The following EHMT1 variants were observed in gnomAD, a reference collection of about 807,000 sequenced individuals.
The protein encoded by EHMT1 is histone-lysine N-methyltransferase EHMT1.
EHMT1 carries 15 observed loss-of-function variants against 147.2 expected under a neutral mutation model. The observed-to-expected ratio is 0.10, with a 90% CI of 0.07 to 0.16. The LOEUF is 0.16. EHMT1 is among the 10% of genes least tolerant of loss of function. The probability of loss-of-function intolerance (pLI) is 1.00; values close to 1 mark genes in which losing one functional copy is unlikely to be tolerated. For synonymous variants in EHMT1, 795 were observed against 709.6 expected, an observed-to-expected ratio of 1.12 and a Z score of -1.91; for missense variants, 1,587 against 1,772.4, an observed-to-expected ratio of 0.90 and a Z score of 1.88.
chr9:137,749,004 G>A (rs962108964), intron 6 of EHMT1, among the ~76,000 whole-genome samples: 1 of 152,156 alleles, frequency 6.6e-6, no homozygotes, highest in African/African-American at 2.4e-5. Flanking sequence ...GGGAGAGCTG[G>A]ACCCTCTCCC....
At chr9:137,677,139 G>GTT (rs879325275) in intron 1 of EHMT1, among the ~76,000 whole-genome samples, 1 of 146,128 alleles carries the variant, frequency 6.8e-6, no homozygotes, top group East Asian at 2.0e-4. Context: ...ACTGACTGGA[G>GTT]TTTTTTTTTT....
At chr9:137,639,360 C>T (rs937360720) in intron 1 of EHMT1, among the ~76,000 whole-genome samples, 12 of 152,114 alleles carry the variant, frequency 7.9e-5, no homozygotes, top group African/African-American at 2.4e-4. Flanking sequence ...AGTATTAAGT[C>T]TTCCTTATTC....
At chr9:137,723,066 G>C (rs1263392112) in intron 3 of EHMT1, among the ~76,000 whole-genome samples, 18 of 95,484 alleles carry the variant, frequency 1.9e-4, no homozygotes, top group African/African-American at 3.7e-4. Context: ...GGCCTGAGCC[G>C]GGGGTGTGTC....
chr9:137,641,709 C>T (rs376854702), intron 1 of EHMT1, among the ~76,000 whole-genome samples: 8 of 152,186 alleles, frequency 5.3e-5, no homozygotes, highest in Admixed American at 3.9e-4. Context: ...CAGGGGCTGG[C>T]GCCATGTCTT....
chr9:137,761,913 T>A (rs893909049), intron 9 of EHMT1, among the ~76,000 whole-genome samples: 2 of 152,232 alleles, frequency 1.3e-5, no homozygotes, highest in African/African-American at 4.8e-5. Context: ...TTGCCAAGCT[T>A]AAGGGTCTTC....
chr9:137,687,983 C>T (rs371966901), intron 1 of EHMT1, among the ~76,000 whole-genome samples: 2 of 152,174 alleles, frequency 1.3e-5, no homozygotes, highest in East Asian at 3.8e-4. Context: ...ATTGTACAAG[C>T]TTGAACTTGT....
At chr9:137,726,230 T>A (rs1011192430) in intron 3 of EHMT1, among the ~76,000 whole-genome samples, 74 of 152,336 alleles carry the variant, frequency 4.9e-4, no homozygotes, top group African/African-American at 1.7e-3. Context: ...TGGAACCTCT[T>A]CATCTTCCCA....
At position 137,639,956 on chromosome 9, in the gene EHMT1, C is replaced by T. The variant is rs139332556; in HGVS notation, c.21+20907C>T. On this transcript the variant is annotated intron_variant, in intron 1 of 26. Coordinates refer to ENST00000460843, the MANE Select transcript of EHMT1 (RefSeq NM_024757.5). Reference sequence around the variant, plus strand: ...TTCTGTAACCTTATTTATTTAGAGACGGAGTCTCGCTCTTGTTGCCCAGGC... The same window carrying T: ...TTCTGTAACCTTATTTATTTAGAGATGGAGTCTCGCTCTTGTTGCCCAGGC... Among the ~76,000 whole-genome samples, 36 of 152,276 alleles carry T rather than the reference C, an allele frequency of 2.4e-4. No individual in the cohort carries two copies. In the East Asian group the frequency reaches 5.4e-3, roughly 23 times the overall value.
At chr9:137,815,836 GT>G (rs1394294339) in intron 22 of EHMT1, 110 bp from the exon 23 acceptor site, 3 of 941,000 alleles carry the variant, frequency 3.2e-6, no homozygotes, top group East Asian at 2.6e-5. Context: ...AGAAACCATC[GT>G]TTTTATGTCC....
chr9:137,714,869 A>T (rs1945071005), intron 2 of EHMT1, among the ~76,000 whole-genome samples: 1 of 152,062 alleles, frequency 6.6e-6, no homozygotes, highest in African/African-American at 2.4e-5. Flanking sequence ...ATTTGAGGGG[A>T]CTTGACAGCT....
chr9:137,763,318 G>T, intron 10 of EHMT1: 1 of 224,104 alleles, frequency 4.5e-6, no homozygotes, highest in South Asian at 7.9e-5. Flanking sequence ...GGATCAGGCA[G>T]AGCACAGACG....
At position 137,709,342 on chromosome 9, in the gene EHMT1, G is replaced by T. The variant is rs370548062; in HGVS notation, c.22-1625G>T. 4.6e-5 allele frequency among the ~76,000 whole-genome samples: 7 copies of T among 152,332 alleles called. No individual in the cohort carries two copies. The East Asian group carries it at 9.6e-4, about 21-fold the overall frequency. ...TCGAGGGCTGGCCATGAGCAGCTGG[G>T]CTGCTGGCCCTGGCTTGGCAGTGGG... On this transcript the variant is annotated intron_variant, in intron 1 of 26. Coordinates refer to ENST00000460843, the MANE Select transcript of EHMT1 (RefSeq NM_024757.5).
At chr9:137,818,248 G>T in intron 25 of EHMT1, 110 bp downstream of exon 25, 1 of 1,254,004 alleles carries the variant, frequency 8.0e-7, no homozygotes, top group South Asian at 1.2e-5. Flanking sequence ...CTGTTGACAA[G>T]AGTGGGCTTG....
At chr9:137,714,665 G>C (rs1945044981) in intron 2 of EHMT1, among the ~76,000 whole-genome samples, 1 of 149,738 alleles carries the variant, frequency 6.7e-6, no homozygotes, top group African/African-American at 2.5e-5. Context: ...CGACCCTCCT[G>C]CCACAGCCTC....
At chr9:137,703,621 A>G (rs1944019520) in intron 1 of EHMT1, among the ~76,000 whole-genome samples, 1 of 152,046 alleles carries the variant, frequency 6.6e-6, no homozygotes, top group African/African-American at 2.4e-5. Context: ...CTTTTACTCC[A>G]ATTCCCAATA....
At chr9:137,803,240 A>G (rs916616178) in intron 18 of EHMT1, 39 of 1,096,816 alleles carry the variant, frequency 3.6e-5, no homozygotes, top group Admixed American at 5.1e-5. Context: ...TTGCTGTATA[A>G]TAGGTAGGCT....
intron 6 of EHMT1, among the ~76,000 whole-genome samples, chr9:137,749,888 C>T (rs905327773): frequency 1.3e-5 from 2 of 152,182 alleles, no homozygotes; most frequent in African/African-American, 2.4e-5. Flanking sequence ...ACTGAAGTGT[C>T]GGAATGCTTA....
intron 25 of EHMT1, among the ~76,000 whole-genome samples, chr9:137,827,575 C>G (rs1328337064): frequency 6.6e-6 from 1 of 152,224 alleles, no homozygotes; most frequent in Non-Finnish European, 1.5e-5. Flanking sequence ...TGCCCCAGCC[C>G]TGGTGTTGCC....
chr9:137,771,209 T>TC (rs1950562092), intron 10 of EHMT1, among the ~76,000 whole-genome samples: 1 of 148,354 alleles, frequency 6.7e-6, no homozygotes, highest in Admixed American at 6.7e-5. Flanking sequence ...TTTTTTTTTT[T>TC]TTTTTTTTGA....
Sources: gnomAD v4.1 joint callset for allele counts (sites outside exome capture counted in the v4.1 genomes callset) on GRCh38, gnomAD v4.1.1 for gene constraint, MANE v1.5 for transcripts, NCBI Gene and HGNC (gene_info 2026-07-23, HGNC 2026-07-21) for gene names.